The following CARM1 variants were observed in gnomAD, a reference collection of about 807,000 sequenced individuals.
CARM1 encodes the protein histone-arginine methyltransferase CARM1.
Under a neutral mutation model 72.7 loss-of-function variants are expected in CARM1, and 14 were observed. The observed-to-expected ratio is 0.19, with a 90% CI of 0.13 to 0.30. The LOEUF is 0.30. Ranked by LOEUF, CARM1 falls within the 10% of genes least tolerant of loss-of-function variation. The probability of loss-of-function intolerance (pLI) is 1.00; values close to 1 mark genes in which losing one functional copy is unlikely to be tolerated. For synonymous variants in CARM1, 333 were observed against 345.5 expected, an observed-to-expected ratio of 0.96 and a Z score of 0.40; for missense variants, 432 against 833.7, an observed-to-expected ratio of 0.52 and a Z score of 5.93.
chr19:10,899,821 A>G (rs2074051268), intron 1 of CARM1, among the ~76,000 whole-genome samples: 1 of 151,524 alleles, frequency 6.6e-6, no homozygotes, highest in Non-Finnish European at 1.5e-5. Context: ...CCCGGGTTCA[A>G]GCGATTCTCC....
At chr19:10,901,593 G>A (rs1239529486) in intron 1 of CARM1, among the ~76,000 whole-genome samples, 1 of 152,186 alleles carries the variant, frequency 6.6e-6, no homozygotes, top group Non-Finnish European at 1.5e-5. Context: ...CCAAAGTGCT[G>A]GGATTACAGG....
At chr19:10,900,899 G>A (rs1211840655) in intron 1 of CARM1, among the ~76,000 whole-genome samples, 1 of 151,886 alleles carries the variant, frequency 6.6e-6, no homozygotes, top group Non-Finnish European at 1.5e-5. Context: ...TAGCCAGGAT[G>A]GTCTCGATCT....
In CARM1 at chr19:10,882,741, C is replaced by A. The variant is rs201689348; in HGVS notation, c.220+10819C>A. Among the ~76,000 whole-genome samples, 33 of 152,022 alleles carry A rather than the reference C, an allele frequency of 2.2e-4. No individual in the cohort carries two copies. The East Asian group carries it at 4.8e-3, about 22-fold the overall frequency. On this transcript the variant is annotated intron_variant, in intron 1 of 15. Transcript: ENST00000327064. ...GTTTTTAGTAGAGACGGGGTTTCACCATGTTAGCCAGGCTGGCCTCGAACT... is the reference window on the plus strand; with the variant it reads ...GTTTTTAGTAGAGACGGGGTTTCACAATGTTAGCCAGGCTGGCCTCGAACT...
At position 10,915,060 on chromosome 19, in the gene CARM1, G is replaced by T. The variant is rs963084068; in HGVS notation, c.847+1006G>T. Among the ~76,000 whole-genome samples the T allele has an allele frequency of 6.6e-6, 1 of 152,348 alleles. No homozygotes were observed. Among genetic ancestry groups the T allele is most frequent in the African/African-American group, 2.4e-5 (1 of 41,580 alleles). On this transcript the variant is annotated intron_variant, in intron 6 of 15. Coordinates refer to ENST00000327064, the MANE Select transcript of CARM1 (RefSeq NM_199141.2). The surrounding 1 kb of genome is among the most constrained non-coding windows in gnomAD (Gnocchi z 4.6). Reference sequence around the variant, plus strand: ...ATGGAGCGTGGGCAGCAGCAGGCTGGTGGGGCTTGTGCAGGCAGGGGCAGG... The same window carrying T: ...ATGGAGCGTGGGCAGCAGCAGGCTGTTGGGGCTTGTGCAGGCAGGGGCAGG...
chr19:10,920,387 C>T lies in CARM1; in HGVS notation c.1197-49C>T, dbSNP rs1568357545. ...CTCAAGGCATACAAGGTGGTGGCTC[C>T]AGTGGTGGCGCCGGCCCAGTCAAGT... On this transcript the variant is annotated intron_variant, in intron 10 of 15. Transcript: ENST00000327064. This position sits in a 1 kb window ranked among gnomAD's most constrained non-coding sequence, Gnocchi z 5.3. 1 of 1,582,476 alleles carries T rather than the reference C, an allele frequency of 6.3e-7. No individual in the cohort carries two copies. The highest frequency in any genetic ancestry group is 8.6e-7 in the Non-Finnish European group (1 of 1,159,468).
intron 1 of CARM1, among the ~76,000 whole-genome samples, chr19:10,885,388 C>T (rs983301487): frequency 4.6e-5 from 7 of 152,162 alleles, no homozygotes; most frequent in Non-Finnish European, 2.9e-5. Context: ...GTCTTTCTCC[C>T]GCTAATTGTG....
intron 3 of CARM1, 109 bp from the exon 4 acceptor site, chr19:10,908,994 A>G (rs1164957551): frequency 1.3e-6 from 1 of 756,766 alleles, no homozygotes; most frequent in African/African-American, 1.7e-5. Context: ...CGACCTCCCG[A>G]GGGAGGTTTG....
intron 1 of CARM1, among the ~76,000 whole-genome samples, chr19:10,874,028 G>T (rs923647670): frequency 6.6e-6 from 1 of 152,140 alleles, no homozygotes; most frequent in African/African-American, 2.4e-5. Flanking sequence ...GTTTGTATTT[G>T]TGTTTTTGTT....
chr19:10,917,514 TC>T (rs1302796639), intron 8 of CARM1, among the ~76,000 whole-genome samples: 1 of 151,980 alleles, frequency 6.6e-6, no homozygotes, highest in Non-Finnish European at 1.5e-5. Flanking sequence ...TATTCTGTTT[TC>T]CCCCTGCTCT....
chr19:10,878,295 C>T (rs763972703), intron 1 of CARM1, among the ~76,000 whole-genome samples: 1 of 152,184 alleles, frequency 6.6e-6, no homozygotes, highest in African/African-American at 2.4e-5. Context: ...CTCACTGGCC[C>T]GAGGCAGGGG....
At chr19:10,921,543 T>C in intron 15 of CARM1, 72 bp from the exon 16 acceptor site, 1 of 1,569,118 alleles carries the variant, frequency 6.4e-7, no homozygotes, top group South Asian at 1.2e-5. Flanking sequence ...CTGCCCTTTC[T>C]CTCTCTCTGT....
intron 1 of CARM1, among the ~76,000 whole-genome samples, chr19:10,894,230 C>G (rs1054633446): frequency 9.2e-5 from 14 of 152,232 alleles, no homozygotes; most frequent in African/African-American, 3.1e-4. Context: ...TGGGTGCTGT[C>G]TGCCTCCCAC....
rs1345413587 is a variant in CARM1 at position 10,914,063 on chromosome 19, T to TGG, written c.847+14_847+15dup. ...GTACCTGAAGCCCAGCGGTGAGCAC[T>TGG]GGGGGGTACACAGGCCAGGCCCCTC... On this transcript the variant is annotated intron_variant, in intron 6 of 15. Transcript: ENST00000327064. The TGG allele has an allele frequency of 6.2e-7, 1 of 1,608,514 alleles. No individual in the cohort carries two copies. Among genetic ancestry groups the TGG allele is most frequent in the African/African-American group, 1.3e-5 (1 of 74,860 alleles).
At chr19:10,874,785 G>A (rs1186809207) in intron 1 of CARM1, among the ~76,000 whole-genome samples, 1 of 152,202 alleles carries the variant, frequency 6.6e-6, no homozygotes, top group Non-Finnish European at 1.5e-5. Flanking sequence ...ACTTTGAGAG[G>A]TTGAGGCAGG....
intron 1 of CARM1, 46 bp from the exon 2 acceptor site, chr19:10,904,905 A>G (rs1568352672): frequency 1.3e-6 from 2 of 1,595,128 alleles, no homozygotes; most frequent in African/African-American, 1.3e-5. Flanking sequence ...AAAAGAAGGC[A>G]GCTGACAGGG....
chr19:10,888,564 C>T (rs575834486), intron 1 of CARM1, among the ~76,000 whole-genome samples: 23 of 152,140 alleles, frequency 1.5e-4, no homozygotes, highest in Non-Finnish European at 2.2e-4. Flanking sequence ...AAAGACTGGG[C>T]GAGCTGGCCC....
chr19:10,908,784 C>T (rs1025014522), intron 3 of CARM1: 44 of 276,116 alleles, frequency 1.6e-4, no homozygotes, highest in South Asian at 1.4e-3. Flanking sequence ...CTTTGGGGCC[C>T]TCAAGATGAG....
chr19:10,879,510 C>T (rs1373646083), intron 1 of CARM1, among the ~76,000 whole-genome samples: 1 of 152,130 alleles, frequency 6.6e-6, no homozygotes, highest in African/African-American at 2.4e-5. Flanking sequence ...GAGAGGTGCT[C>T]CAGTGGGCCA....
chr19:10,886,184 G>A (rs2073941184), intron 1 of CARM1, among the ~76,000 whole-genome samples: 1 of 151,512 alleles, frequency 6.6e-6, no homozygotes, highest in African/African-American at 2.4e-5. Context: ...AGCCTCCCCA[G>A]TAGCTGGGAT....
Sources: gnomAD v4.1 joint callset for allele counts (sites outside exome capture counted in the v4.1 genomes callset) on GRCh38, gnomAD v4.1.1 for gene constraint, Gnocchi (gnomAD v3.1) non-coding constraint, MANE v1.5 for transcripts, NCBI Gene and HGNC (gene_info 2026-07-23, HGNC 2026-07-21) for gene names.